JADE3: variants seen among roughly 807,000 people sequenced by gnomAD.
The protein encoded by JADE3 is protein Jade-3.
A neutral mutation model predicts 50.1 loss-of-function variants in JADE3; 2 were observed. That is an observed-to-expected ratio of 0.04 (90% CI 0.02 to 0.13). The LOEUF is 0.13. Among genes scored for constraint, JADE3 ranks in the 10% least tolerant of loss-of-function variants. The pLI is 1.00. For missense variants in JADE3, 475 were observed against 634.4 expected (o/e 0.75, Z 2.70); for synonymous variants, 218 against 232.9 (o/e 0.94, Z 0.58).
intron 4 of JADE3, among the ~76,000 whole-genome samples, chrX:47,023,786 A>C (rs1211803129): frequency 8.9e-6 from 1 of 112,161 alleles, no homozygotes; most frequent in African/African-American, 3.2e-5. Context: ...ACTTGCCTGT[A>C]ATCCCAGCTA....
chrX:47,016,687 CT>C lies in JADE3; in HGVS notation c.285-8022del, dbSNP rs201278423. Among the ~76,000 whole-genome samples, 363 of 97,986 alleles carry C rather than the reference CT, an allele frequency of 3.7e-3. 1 individual carries two copies. The highest frequency in any genetic ancestry group is 4.1e-3 in the Admixed American group (36 of 8,887). 85.1% of individuals were successfully genotyped at this position (97,986 alleles called of 115,157 possible). A position where few individuals can be genotyped will look rare whatever the true frequency, so the allele number is the denominator to read the frequency against. On this transcript the variant is annotated intron_variant, in intron 4 of 10. Coordinates refer to ENST00000614628, the MANE Select transcript of JADE3 (RefSeq NM_014735.5). ...ACGTCATAATATTTTTAATGTTTGT[CT>C]TTTTTTTTTTTTTTAAGAGACAGAT...
chrX:47,041,682 CTT>C (rs782168941), intron 8 of JADE3, among the ~76,000 whole-genome samples: 1 of 102,624 alleles, frequency 9.7e-6, no homozygotes. Context: ...GCACTGTGCT[CTT>C]TTTTTTTTTT....
chrX:46,989,138 G>A (rs941724758), intron 3 of JADE3, among the ~76,000 whole-genome samples: 3 of 111,921 alleles, frequency 2.7e-5, no homozygotes, highest in African/African-American at 6.5e-5. Context: ...GCGCCCTGCC[G>A]CCATTGGCTG....
intron 4 of JADE3, among the ~76,000 whole-genome samples, chrX:47,018,338 TC>T (rs1266041605): frequency 1.8e-5 from 2 of 110,123 alleles, no homozygotes; most frequent in Non-Finnish European, 3.8e-5. Flanking sequence ...CAGAGCACTT[TC>T]TTTTTTTTTT....
intron 1 of JADE3, among the ~76,000 whole-genome samples, chrX:46,970,019 A>G (rs1024726569): frequency 4.5e-5 from 5 of 112,218 alleles, no homozygotes; most frequent in Non-Finnish European, 9.4e-5. Context: ...ACAAAAGTCA[A>G]TGTAATCAAA....
chrX:46,957,449 T>C (rs1394880332), intron 1 of JADE3, among the ~76,000 whole-genome samples: 1 of 112,615 alleles, frequency 8.9e-6, no homozygotes, highest in Non-Finnish European at 1.9e-5. Context: ...GGGCATGTGG[T>C]AGGATTGTAG....
chrX:47,036,241 C>T (rs1556367919), intron 7 of JADE3, among the ~76,000 whole-genome samples: 1 of 111,058 alleles, frequency 9.0e-6, no homozygotes, highest in Non-Finnish European at 1.9e-5. Flanking sequence ...GATATTAGCC[C>T]TTTGTCAGAT....
chrX:47,055,141 A>G (rs781922470), intron 9 of JADE3, among the ~76,000 whole-genome samples: 3 of 110,930 alleles, frequency 2.7e-5, no homozygotes, highest in Admixed American at 9.7e-5. Flanking sequence ...ACACACCCCC[A>G]GCGTGACAAC....
chrX:46,983,514 G>A lies in JADE3; in HGVS notation c.-11-1370G>A, dbSNP rs542197746. ...CCTCTCAGCCACATTCTCCTGGAACGTAGCCTCAGCAAAAGTAGCTGGGAA... is the reference window on the plus strand; with the variant it reads ...CCTCTCAGCCACATTCTCCTGGAACATAGCCTCAGCAAAAGTAGCTGGGAA... On this transcript the variant is annotated intron_variant, in intron 1 of 10. Transcript: ENST00000614628. Among the ~76,000 whole-genome samples the A allele has an allele frequency of 7.5e-4, 84 of 111,266 alleles. 3 individuals carry two copies. In the South Asian group the frequency reaches 0.031, roughly 41 times the overall value.
intron 1 of JADE3, among the ~76,000 whole-genome samples, chrX:46,952,838 A>G (rs942269966): frequency 9.0e-6 from 1 of 111,486 alleles, no homozygotes; most frequent in African/African-American, 3.3e-5. Flanking sequence ...TCTCTACTGA[A>G]AATATAAAAT....
At chrX:46,913,553 G>GT (rs1392003446) in intron 1 of JADE3, among the ~76,000 whole-genome samples, 2 of 111,129 alleles carry the variant, frequency 1.8e-5, no homozygotes, top group African/African-American at 6.5e-5. Context: ...GCCGTAGTTT[G>GT]TTTTTTTGTT....
rs782532514 is a variant in JADE3 at position 47,001,826 on chromosome X, C to T, written c.284+3549C>T. On this transcript the variant is annotated intron_variant, in intron 4 of 10. Transcript: ENST00000614628. The stretch of plus-strand genomic sequence containing the variant: ...TTAGATACCCCATGGTATGAAGTTA[C>T]TCTCAGACTTGCCTTTTAACTAGGA... Among the ~76,000 whole-genome samples, 50 of 111,976 alleles carry T rather than the reference C, an allele frequency of 4.5e-4. 1 individual carries two copies. Among genetic ancestry groups the T allele is most frequent in the Non-Finnish European group, 7.0e-4 (37 of 53,157 alleles).
chrX:46,993,563 C>T (rs1234864179), intron 3 of JADE3, among the ~76,000 whole-genome samples: 1 of 111,923 alleles, frequency 8.9e-6, no homozygotes, highest in Non-Finnish European at 1.9e-5. Context: ...AGGGAATAAT[C>T]CAACTTAAGC....
At chrX:46,996,457 A>G (rs1249412031) in intron 3 of JADE3, among the ~76,000 whole-genome samples, 2 of 112,356 alleles carry the variant, frequency 1.8e-5, no homozygotes, top group African/African-American at 6.5e-5. Context: ...TTAGTTTCCT[A>G]GGGCTATAAT....
rs141759345 is a variant in JADE3, at chrX:47,009,047, G to C, written c.284+10770G>C. On this transcript the variant is annotated intron_variant, in intron 4 of 10. Transcript: ENST00000614628. ...TAAGAAAATGTGATAGTGGGGTCGA[G>C]TGTAGTGGCTCACACCTGTAATCCC... 6.6e-3 allele frequency among the ~76,000 whole-genome samples: 732 copies of C among 110,881 alleles called. 4 individuals carry two copies. The highest frequency in any genetic ancestry group is 0.023 in the African/African-American group (701 of 30,558).
chrX:46,963,410 C>T (rs1927304711), intron 1 of JADE3, among the ~76,000 whole-genome samples: 3 of 112,136 alleles, frequency 2.7e-5, no homozygotes, highest in Admixed American at 1.9e-4. Flanking sequence ...TAGTGTAGTA[C>T]GACTGAGGTT....
chrX:47,039,184 G>A, intron 8 of JADE3, 119 bp downstream of exon 8: 1 of 438,712 alleles, frequency 2.3e-6, no homozygotes, highest in East Asian at 3.8e-5. Flanking sequence ...CCACTCTTAG[G>A]GCTCTGCCAT....
chrX:47,000,036 T>C (rs1928243398), intron 4 of JADE3, among the ~76,000 whole-genome samples: 1 of 110,946 alleles, frequency 9.0e-6, no homozygotes, highest in African/African-American at 3.3e-5. Context: ...ACTAGGTTTT[T>C]AAGACCTAGT....
intron 4 of JADE3, among the ~76,000 whole-genome samples, chrX:47,009,710 G>A (rs1346135405): frequency 1.9e-5 from 2 of 105,349 alleles, no homozygotes; most frequent in Non-Finnish European, 3.9e-5. Flanking sequence ...CTGCAGCCTC[G>A]ACCTCCCAGG....
Sources: allele counts gnomAD v4.1 joint callset (sites outside exome capture counted in the v4.1 genomes callset), GRCh38; gene constraint gnomAD v4.1.1; transcripts MANE v1.5; gene names NCBI Gene and HGNC (gene_info 2026-07-23, HGNC 2026-07-21).